DPP8: variants seen among roughly 807,000 people sequenced by gnomAD.
DPP8 encodes DPP VIII.
DPP8 carries 31 observed loss-of-function variants against 107.5 expected under a neutral mutation model. That is an observed-to-expected ratio of 0.29 (90% CI 0.22 to 0.39). The LOEUF (loss-of-function observed/expected upper bound fraction) is 0.39. Ranked by LOEUF, DPP8 falls within the 10% of genes least tolerant of loss-of-function variation. DPP8 has a pLI of 1.00. For synonymous variants in DPP8, 381 were observed against 356.6 expected (o/e 1.07, Z -0.77); for missense variants, 842 against 1,076.1 (o/e 0.78, Z 3.04).
At chr15:65,484,630 G>A (rs955603477) in intron 8 of DPP8, among the ~76,000 whole-genome samples, 5 of 143,308 alleles carry the variant, frequency 3.5e-5, no homozygotes, top group African/African-American at 7.8e-5. Flanking sequence ...TCTTTCTTTC[G>A]CCTGTTAAAC....
In DPP8 at chr15:65,446,778, T is replaced by C; in HGVS notation, c.*106A>G. On this transcript the variant is annotated 3_prime_UTR_variant, in exon 20 of 20. Transcript: ENST00000300141. ...TTTATTTTCAGGAGTAGATGTTACATGGCAGGTATCAAAATGTGATGATCA... is the reference window on the plus strand; with the variant it reads ...TTTATTTTCAGGAGTAGATGTTACACGGCAGGTATCAAAATGTGATGATCA... 6 of 1,174,638 alleles carry C rather than the reference T, an allele frequency of 5.1e-6. No homozygotes were observed. Among genetic ancestry groups the C allele is most frequent in the Non-Finnish European group, 7.1e-6 (6 of 850,522 alleles). 72.8% of individuals were successfully genotyped at this position (1,174,638 alleles called of 1,614,324 possible).
chr15:65,512,795 T>C (rs2070963980), intron 1 of DPP8: 3 of 516,448 alleles, frequency 5.8e-6, no homozygotes, highest in East Asian at 6.4e-5. Context: ...ACAGTGCCTA[T>C]AAATCCCTTT....
rs2063423071 is a variant in DPP8, at chr15:65,444,600, C to G, written c.*2284G>C. ...AAGAGAATTCATTCAGGTATTTTTT[C>G]CTGCTAAAGAAGCAGAATGGCATTT... is the stretch of plus-strand genomic sequence containing the variant. On this transcript the variant is annotated 3_prime_UTR_variant, in exon 20 of 20. Transcript: ENST00000300141. 1 of 152,052 alleles carries G rather than the reference C, an allele frequency of 6.6e-6. No homozygotes were observed. 9.4% of individuals were successfully genotyped at this position (152,052 alleles called of 1,614,324 possible).
At chr15:65,488,202 C>T (rs1380993647) in intron 6 of DPP8, among the ~76,000 whole-genome samples, 2 of 152,008 alleles carry the variant, frequency 1.3e-5, no homozygotes, top group Non-Finnish European at 2.9e-5. Flanking sequence ...TGAATAGTTT[C>T]TGTATTTATG....
intron 12 of DPP8, among the ~76,000 whole-genome samples, chr15:65,472,868 C>T (rs1595936612): frequency 6.6e-6 from 1 of 151,914 alleles, no homozygotes; most frequent in African/African-American, 2.4e-5. Flanking sequence ...GGCGGAATCC[C>T]GTCTACAAAA....
intron 3 of DPP8, among the ~76,000 whole-genome samples, chr15:65,505,207 T>A (rs1202711051): frequency 1.3e-5 from 2 of 151,818 alleles, no homozygotes; most frequent in African/African-American, 4.8e-5. Flanking sequence ...TGCAAAAAAT[T>A]AGCTGGGCAT....
chr15:65,444,910 C>CA lies in DPP8; in HGVS notation c.*1973dup, dbSNP rs2063435452. ...CAAAACAAAACAAAACAAAACAAAA[C>CA]ACCCTCCACAGTCAGATATATACTT... On this transcript the variant is annotated 3_prime_UTR_variant, in exon 20 of 20. Transcript: ENST00000300141. The CA allele has an allele frequency of 6.6e-6, 1 of 152,176 alleles. No individual in the cohort carries two copies. The highest frequency in any genetic ancestry group is 2.1e-4 in the South Asian group (1 of 4,828). 9.4% of individuals were successfully genotyped at this position (152,176 alleles called of 1,614,324 possible). A position where few individuals can be genotyped will look rare whatever the true frequency, so the allele number is the denominator to read the frequency against.
Position 65,446,065 on chromosome 15 carries a change from CT to C in DPP8, c.*818del, listed in dbSNP as rs1376347242. On this transcript the variant is annotated 3_prime_UTR_variant, in exon 20 of 20. Transcript: ENST00000300141. Reference sequence around the variant, plus strand: ...AATTCTAGTGAATGTGTACTTTTTCCTTTTCTTAAAGGAAAAAAAAAAACTT... The same window carrying C: ...AATTCTAGTGAATGTGTACTTTTTCCTTTCTTAAAGGAAAAAAAAAAACTT... The C allele has an allele frequency of 6.6e-6, 1 of 151,346 alleles. No individual in the cohort carries two copies. The highest frequency in any genetic ancestry group is 1.5e-5 in the Non-Finnish European group (1 of 67,864). 9.4% of individuals were successfully genotyped at this position (151,346 alleles called of 1,614,324 possible).
chr15:65,480,231 G>T lies in DPP8; in HGVS notation c.1287C>A (p.Ile429=). ...AGGAAAAAATGCATACATTTATCCAGATGTCTGTTGTTTCTTCATAGATAA... is the reference window on the plus strand; with the variant it reads ...AGGAAAAAATGCATACATTTATCCATATGTCTGTTGTTTCTTCATAGATAA... ...PLIIYEETTD[I]WINIHDIFHV... Residue 429 remains isoleucine (I), a synonymous_variant, in exon 10 of 20, where the codon ATC becomes ATA. Transcript: ENST00000300141. The T allele has an allele frequency of 6.2e-7, 1 of 1,612,088 alleles. No homozygotes were observed.
intron 6 of DPP8, among the ~76,000 whole-genome samples, chr15:65,489,005 G>C (rs113069440): frequency 0.059 from 9,015 of 152,250 alleles, 369 homozygotes; most frequent in Non-Finnish European, 0.084. Flanking sequence ...TCTGTTGCCA[G>C]GCTGGAGCAG....
At chr15:65,482,424 G>A (rs1490527934) in intron 8 of DPP8, among the ~76,000 whole-genome samples, 2 of 151,904 alleles carry the variant, frequency 1.3e-5, no homozygotes, top group African/African-American at 4.8e-5. Context: ...TGGGATTATG[G>A]GTATATACCA....
intron 3 of DPP8, among the ~76,000 whole-genome samples, chr15:65,504,149 G>T (rs1437192333): frequency 6.7e-6 from 1 of 150,264 alleles, no homozygotes; most frequent in Admixed American, 6.6e-5. Flanking sequence ...GATCACCTGA[G>T]GTCGGAAGTT....
intron 5 of DPP8, among the ~76,000 whole-genome samples, 160 bp from the exon 6 acceptor site, chr15:65,490,459 G>A (rs993031579): frequency 1.3e-5 from 2 of 152,136 alleles, no homozygotes; most frequent in Non-Finnish European, 2.9e-5. Flanking sequence ...GTCTGACTTT[G>A]GGCAAATCAT....
In DPP8 at chr15:65,444,739, T is replaced by C. The variant is rs2063428613; in HGVS notation, c.*2145A>G. The stretch of plus-strand genomic sequence containing the variant: ...GAGTACATGAAGTTTTCTAAGTTTG[T>C]TTCGGTAAAATAAGAGATGCCACTT... On this transcript the variant is annotated 3_prime_UTR_variant, in exon 20 of 20. Transcript: ENST00000300141. 1.3e-5 allele frequency: 2 copies of C among 152,310 alleles called. No individual in the cohort carries two copies. Among genetic ancestry groups the C allele is most frequent in the South Asian group, 4.1e-4 (2 of 4,830 alleles). The allele number at this position is 152,310 out of a possible 1,614,324, so 9.4% of individuals were successfully genotyped here.
intron 6 of DPP8, among the ~76,000 whole-genome samples, chr15:65,488,618 A>C (rs892218040): frequency 1.3e-5 from 2 of 151,160 alleles, no homozygotes; most frequent in South Asian, 2.1e-4. Context: ...AAAAAAAAAA[A>C]AAAAAAAAAA....
intron 19 of DPP8, among the ~76,000 whole-genome samples, chr15:65,450,363 T>C (rs1452154541): frequency 3.3e-5 from 5 of 152,190 alleles, no homozygotes; most frequent in Non-Finnish European, 7.3e-5. Context: ...ACAAAGTTCT[T>C]TGGTAGGTAA....
chr15:65,504,667 C>CAAAAAAAAA (rs371246881), intron 3 of DPP8, among the ~76,000 whole-genome samples: 3 of 108,840 alleles, frequency 2.8e-5, no homozygotes, highest in African/African-American at 1.2e-4. Context: ...GATTCCGTCT[C>CAAAAAAAAA]AAAAAAAAAA....
chr15:65,466,159 G>C (rs1449335270), intron 14 of DPP8, among the ~76,000 whole-genome samples: 1 of 152,056 alleles, frequency 6.6e-6, no homozygotes, highest in East Asian at 1.9e-4. Context: ...TATTTGTTGA[G>C]ACAAGGTCTT....
intron 5 of DPP8, among the ~76,000 whole-genome samples, chr15:65,491,065 G>A (rs1342700864): frequency 6.7e-6 from 1 of 150,320 alleles, no homozygotes; most frequent in African/African-American, 2.5e-5. Flanking sequence ...GTCTGAGGCA[G>A]GAGAATCGCT....
Sources: gnomAD v4.1 joint callset for allele counts (sites outside exome capture counted in the v4.1 genomes callset) on GRCh38, gnomAD v4.1.1 for gene constraint, MANE v1.5 for transcripts, NCBI Gene and HGNC (gene_info 2026-07-23, HGNC 2026-07-21) for gene names.